Variants in MCC observed in about 807,000 individuals in gnomAD.
MCC encodes MCC regulator of Wnt signaling pathway.
In MCC, 90 loss-of-function variants were observed where a neutral mutation model predicts 116.2. That is an observed-to-expected ratio of 0.77 (90% CI 0.65 to 0.92). The LOEUF (loss-of-function observed/expected upper bound fraction) is 0.92. MCC is among the 40% of genes least tolerant of loss of function. MCC has a pLI of 0.00. For synonymous variants in MCC, 578 were observed against 510.5 expected (o/e 1.13, Z -1.78); for missense variants, 1,516 against 1,312.2 (o/e 1.16, Z -2.40).
chr5:113,114,693 C>T (rs1481368722), intron 6 of MCC, among the ~76,000 whole-genome samples: 1 of 152,162 alleles, frequency 6.6e-6, no homozygotes, highest in Non-Finnish European at 1.5e-5. Flanking sequence ...CAGAGAGCAG[C>T]AGCTTGACTT....
chr5:113,203,316 C>G (rs915727337), intron 3 of MCC: 2 of 152,358 alleles, frequency 1.3e-5, no homozygotes, highest in Non-Finnish European at 2.9e-5. Flanking sequence ...GTTGGTCTCG[C>G]CTGCCGCACG....
intron 1 of MCC, among the ~76,000 whole-genome samples, chr5:113,412,488 T>A (rs1292772533): frequency 1.3e-5 from 2 of 152,244 alleles, no homozygotes; most frequent in Non-Finnish European, 2.9e-5. Flanking sequence ...GTCCTTCACA[T>A]CCCTTGTAAG....
In MCC at chr5:113,027,456, G is replaced by C; in HGVS notation, c.2906C>G (p.Ala969Gly). The C allele has an allele frequency of 6.2e-7, 1 of 1,614,100 alleles. No individual in the cohort carries two copies. The highest frequency in any genetic ancestry group is 1.6e-4 in the Middle Eastern group (1 of 6,062). The change falls in exon 19 of 19, where the codon GCA (alanine) becomes GGA (glycine). Residue 969 changes from alanine to glycine, a missense_variant. Physicochemically the swap from Ala to Gly is moderately conservative, Grantham distance 60. Coordinates refer to ENST00000408903, the MANE Select transcript of MCC (RefSeq NM_001085377.2). ...CAGTTTGTTTTGATGCTTTTTCTTTGCTTTCTCATAGGCAGCCACCAGGTT... is the reference window on the plus strand; with the variant it reads ...CAGTTTGTTTTGATGCTTTTTCTTTCCTTTCTCATAGGCAGCCACCAGGTT... ...NSNLVAAYEK[A>G]KKKHQNKLKK...
chr5:113,342,393 A>G (rs1768039786), intron 2 of MCC, among the ~76,000 whole-genome samples: 1 of 152,194 alleles, frequency 6.6e-6, no homozygotes, highest in Non-Finnish European at 1.5e-5. Context: ...ATCTACTTTT[A>G]GTTCTTTAAG....
chr5:113,419,472 C>T (rs112619714), intron 1 of MCC, among the ~76,000 whole-genome samples: 17,753 of 151,812 alleles, frequency 0.12, 1,826 homozygotes, highest in African/African-American at 0.28. Flanking sequence ...GCTGGGATTA[C>T]GGGTGTAAGC....
At chr5:113,177,259 G>C (rs1177224527) in intron 3 of MCC, among the ~76,000 whole-genome samples, 1 of 152,178 alleles carries the variant, frequency 6.6e-6, no homozygotes. Flanking sequence ...TTGAGGACTA[G>C]CATTTTGTCT....
intron 6 of MCC, among the ~76,000 whole-genome samples, chr5:113,107,675 T>G (rs530468009): frequency 1.5e-4 from 23 of 152,290 alleles, no homozygotes; most frequent in African/African-American, 5.5e-4. Flanking sequence ...GAATCCGCTG[T>G]CCTGAGTTAT....
At chr5:113,079,119 T>A (rs1303230073) in intron 11 of MCC, among the ~76,000 whole-genome samples, 1 of 152,196 alleles carries the variant, frequency 6.6e-6, no homozygotes, top group African/African-American at 2.4e-5. Context: ...GAAGGACCTC[T>A]TCAAGGAGAA....
Position 113,136,441 on chromosome 5 carries a change from A to AGT in MCC, c.884+6776_884+6777insAC, listed in dbSNP as rs1758831936. ...CATGCATTGATATTCCTATAGGTAG[A>AGT]ATTACTTGGTTGAGGACTTTGAGTA... On this transcript the variant is annotated intron_variant, in intron 5 of 18. Coordinates refer to ENST00000408903, the MANE Select transcript of MCC (RefSeq NM_001085377.2). Among the ~76,000 whole-genome samples the AGT allele has an allele frequency of 3.3e-5, 5 of 152,346 alleles. No individual in the cohort carries two copies. The South Asian group carries it at 8.3e-4, about 25-fold the overall frequency.
At position 113,219,382 on chromosome 5, in the gene MCC, G is replaced by C. The variant is rs550844373; in HGVS notation, c.628-67960C>G. 3.3e-5 allele frequency among the ~76,000 whole-genome samples: 5 copies of C among 152,346 alleles called. No individual in the cohort carries two copies. In the East Asian group the frequency reaches 5.8e-4, roughly 18 times the overall value. ...TGTGAGGACTTCCAATAAAAAGTCA[G>C]TAGCATTAAGAATCAGCAATTAAAA... On this transcript the variant is annotated intron_variant, in intron 3 of 18. Coordinates refer to ENST00000408903, the MANE Select transcript of MCC (RefSeq NM_001085377.2).
intron 3 of MCC, among the ~76,000 whole-genome samples, chr5:113,210,713 T>C (rs1328146153): frequency 6.6e-6 from 1 of 152,234 alleles, no homozygotes; most frequent in Non-Finnish European, 1.5e-5. Context: ...GTTAGAAAGT[T>C]AATATCTAGT....
intron 1 of MCC, among the ~76,000 whole-genome samples, chr5:113,483,127 A>G (rs1279687724): frequency 1.3e-5 from 2 of 152,118 alleles, no homozygotes. Flanking sequence ...CCATTGACCT[A>G]TTTGTGTATC....
chr5:113,394,413 C>A (rs1272158743), intron 1 of MCC, among the ~76,000 whole-genome samples: 4 of 152,186 alleles, frequency 2.6e-5, no homozygotes, highest in African/African-American at 9.6e-5. Flanking sequence ...TTGCTCCCCA[C>A]AAGACTTTTA....
chr5:113,126,866 T>C (rs1278762723), intron 5 of MCC, among the ~76,000 whole-genome samples: 3 of 152,224 alleles, frequency 2.0e-5, no homozygotes, highest in Non-Finnish European at 4.4e-5. Flanking sequence ...TCCCTCATAT[T>C]GTTGGGGTTT....
rs1766478959 is a variant in MCC, at chr5:113,291,136, TAC to T, written c.627+49381_627+49382del. Among the ~76,000 whole-genome samples, 8 of 152,322 alleles carry T rather than the reference TAC, an allele frequency of 5.3e-5. No individual in the cohort carries two copies. In the South Asian group the frequency reaches 1.7e-3, roughly 32 times the overall value. On this transcript the variant is annotated intron_variant, in intron 3 of 18. Coordinates refer to ENST00000408903, the MANE Select transcript of MCC (RefSeq NM_001085377.2). ...AAATGGCTATTGTTCAAACTAAAGA[TAC>T]AAAAGGAACACACTCATGAATTTCC...
chr5:113,145,587 C>A (rs10040328), intron 4 of MCC, among the ~76,000 whole-genome samples: 43,389 of 152,038 alleles, frequency 0.29, 6,525 homozygotes, highest in African/African-American at 0.36. Context: ...GAAAGGCACA[C>A]CATCAATAAA....
At chr5:113,117,467 G>T (rs183112729) in intron 6 of MCC, among the ~76,000 whole-genome samples, 80 of 152,320 alleles carry the variant, frequency 5.3e-4, no homozygotes, top group Non-Finnish European at 7.4e-5. Context: ...AACCCTAAGG[G>T]TATAAACCTC....
At chr5:113,378,330 T>C (rs1483953577) in intron 2 of MCC, among the ~76,000 whole-genome samples, 1 of 152,168 alleles carries the variant, frequency 6.6e-6, no homozygotes, top group African/African-American at 2.4e-5. Flanking sequence ...ACTTTATTTT[T>C]TCCTTAGACC....
At chr5:113,199,649 G>A (rs933474997) in intron 3 of MCC, among the ~76,000 whole-genome samples, 7 of 152,320 alleles carry the variant, frequency 4.6e-5, no homozygotes, top group East Asian at 3.9e-4. Context: ...GTCTCAGGAT[G>A]CTCTGGTAGA....
Sources: gnomAD v4.1 joint callset for allele counts (sites outside exome capture counted in the v4.1 genomes callset) on GRCh38, gnomAD v4.1.1 for gene constraint, MANE v1.5 for transcripts, NCBI Gene and HGNC (gene_info 2026-07-23, HGNC 2026-07-21) for gene names.